Variants in SNX29 observed in about 807,000 individuals in gnomAD.
SNX29 encodes sorting nexin 29.
In SNX29, 78 loss-of-function variants were observed where a neutral mutation model predicts 102.1. That is an observed-to-expected ratio of 0.76 (90% CI 0.64 to 0.92). The LOEUF (loss-of-function observed/expected upper bound fraction) is 0.92, where lower values mean the gene tolerates loss of function less well. Among genes scored for constraint, SNX29 ranks in the 40% least tolerant of loss-of-function variants. SNX29 has a pLI of 0.00. For synonymous variants in SNX29, 580 were observed against 414.5 expected (o/e 1.40, Z -4.85); for missense variants, 1,280 against 1,061.7 (o/e 1.21, Z -2.86).
chr16:12,339,893 A>G (rs1250225633), intron 15 of SNX29, among the ~76,000 whole-genome samples: 1 of 152,198 alleles, frequency 6.6e-6, no homozygotes, highest in Non-Finnish European at 1.5e-5. Flanking sequence ...GCCAACAGTC[A>G]GTGGGGGCGT....
At chr16:12,502,474 C>T (rs970235005) in intron 19 of SNX29, among the ~76,000 whole-genome samples, 4 of 152,144 alleles carry the variant, frequency 2.6e-5, no homozygotes, top group African/African-American at 9.7e-5. Context: ...TTGAGATTTC[C>T]TGACCAAAAT....
At chr16:12,256,154 T>G (rs1434811116) in intron 14 of SNX29, among the ~76,000 whole-genome samples, 1 of 152,260 alleles carries the variant, frequency 6.6e-6, no homozygotes, top group East Asian at 1.9e-4. Flanking sequence ...ATACACCTGT[T>G]GGCCGTTTGG....
At chr16:12,068,459 C>G (rs576776254) in intron 9 of SNX29, among the ~76,000 whole-genome samples, 53 of 146,938 alleles carry the variant, frequency 3.6e-4, no homozygotes, top group African/African-American at 1.3e-3. Context: ...CACCACTGCA[C>G]TCCATCTCAG....
intron 20 of SNX29, among the ~76,000 whole-genome samples, chr16:12,530,948 C>G (rs1335692884): frequency 3.9e-5 from 6 of 152,210 alleles, no homozygotes; most frequent in Admixed American, 2.0e-4. Flanking sequence ...CACCCTTGCT[C>G]TACTTGAACA....
intron 20 of SNX29, chr16:12,546,470 C>A (rs2077612004): frequency 6.6e-6 from 1 of 152,188 alleles, no homozygotes; most frequent in African/African-American, 2.4e-5. Context: ...CCATCACATT[C>A]ACTGTCAGAA....
intron 11 of SNX29, chr16:12,081,666 CTT>C (rs533981395): frequency 0.017 from 1,642 of 95,510 alleles, 31 homozygotes; most frequent in African/African-American, 0.064. Flanking sequence ...GAGCGAGACT[CTT>C]TGTCTCAAAA....
intron 18 of SNX29, among the ~76,000 whole-genome samples, chr16:12,472,544 C>CAAAAAAAAAAAAAAAAAAA (rs568390260): frequency 8.6e-6 from 1 of 115,624 alleles, no homozygotes; most frequent in Non-Finnish European, 1.8e-5. Context: ...AAAAAAAAAA[C>CAAAAAAAAAAAAAAAAAAA]AAAAAAAAAA....
chr16:12,240,542 C>T (rs780992297), intron 14 of SNX29, among the ~76,000 whole-genome samples: 3 of 141,514 alleles, frequency 2.1e-5, no homozygotes, highest in South Asian at 2.3e-4. Context: ...TTTTTTGATG[C>T]GGCTGTGCTT....
At chr16:12,490,302 T>A (rs1178807959) in intron 19 of SNX29, among the ~76,000 whole-genome samples, 3 of 152,244 alleles carry the variant, frequency 2.0e-5, no homozygotes, top group Non-Finnish European at 4.4e-5. Flanking sequence ...TTTGCCTGTA[T>A]GTACTCCTTT....
At chr16:12,429,947 A>C (rs1467552476) in intron 18 of SNX29, among the ~76,000 whole-genome samples, 1 of 152,200 alleles carries the variant, frequency 6.6e-6, no homozygotes, top group Non-Finnish European at 1.5e-5. Flanking sequence ...GCTTTATTCA[A>C]GGGTCCTAAA....
chr16:12,051,736 G>A (rs1316920754), intron 7 of SNX29, 111 bp from the exon 8 acceptor site: 10 of 1,420,534 alleles, frequency 7.0e-6, no homozygotes, highest in African/African-American at 2.9e-5. Flanking sequence ...ATGTTACAGT[G>A]TATTTCTCAC....
intron 20 of SNX29, among the ~76,000 whole-genome samples, chr16:12,533,240 C>T (rs193158718): frequency 6.6e-6 from 1 of 152,252 alleles, no homozygotes; most frequent in Non-Finnish European, 1.5e-5. Flanking sequence ...GCCCAAAGGG[C>T]AGCTGATTCT....
intron 3 of SNX29, among the ~76,000 whole-genome samples, chr16:12,023,122 C>T (rs912473189): frequency 2.0e-5 from 3 of 152,024 alleles, no homozygotes; most frequent in African/African-American, 7.2e-5. Flanking sequence ...GTCTCGAACT[C>T]CTGACCTCAA....
intron 16 of SNX29, among the ~76,000 whole-genome samples, chr16:12,368,712 G>A (rs757426638): frequency 3.9e-5 from 6 of 152,286 alleles, no homozygotes; most frequent in South Asian, 2.1e-4. Context: ...TTACCCCTCC[G>A]TTCTACCTGT....
intron 10 of SNX29, among the ~76,000 whole-genome samples, chr16:12,075,589 G>T (rs1024307224): frequency 6.6e-6 from 1 of 152,220 alleles, no homozygotes; most frequent in African/African-American, 2.4e-5. Flanking sequence ...GGATGCCTCC[G>T]AGTTAGGCTG....
intron 20 of SNX29, among the ~76,000 whole-genome samples, chr16:12,539,531 T>G (rs1407853326): frequency 6.6e-6 from 1 of 152,234 alleles, no homozygotes. Context: ...CAATTTTGAA[T>G]AGAGCTAGTG....
intron 14 of SNX29, among the ~76,000 whole-genome samples, chr16:12,275,969 T>C (rs1000398194): frequency 6.7e-6 from 1 of 149,166 alleles, no homozygotes; most frequent in Non-Finnish European, 1.5e-5. Context: ...CTCGGCTCGC[T>C]GCAATCTCCG....
At chr16:12,545,802 G>T (rs750576580) in intron 20 of SNX29, among the ~76,000 whole-genome samples, 2 of 152,024 alleles carry the variant, frequency 1.3e-5, no homozygotes, top group African/African-American at 2.4e-5. Flanking sequence ...GGCATACAGG[G>T]GCCTCCCTAC....
chr16:12,121,860 G>A (rs139310747), intron 11 of SNX29, among the ~76,000 whole-genome samples: 26 of 152,228 alleles, frequency 1.7e-4, no homozygotes, highest in Non-Finnish European at 3.2e-4. Flanking sequence ...ATGCAGTGGC[G>A]CGATCTTGGC....
Sources: allele counts gnomAD v4.1 joint callset (sites outside exome capture counted in the v4.1 genomes callset), GRCh38; gene constraint gnomAD v4.1.1; transcripts MANE v1.5; gene names NCBI Gene and HGNC (gene_info 2026-07-23, HGNC 2026-07-21).